NEK11: variants seen among roughly 807,000 people sequenced by gnomAD.
The protein encoded by NEK11 is serine/threonine-protein kinase Nek11.
NEK11 carries 72 observed loss-of-function variants against 80.7 expected under a neutral mutation model. The ratio of observed to expected loss-of-function variants is 0.89; its 90% confidence interval spans 0.74 to 1.08. The LOEUF (loss-of-function observed/expected upper bound fraction) is 1.08. Among genes scored for constraint, NEK11 ranks in the 50% least tolerant of loss-of-function variants. NEK11 has a pLI of 0.00. For synonymous variants in NEK11, 251 were observed against 260.7 expected (o/e 0.96, Z 0.36); for missense variants, 764 against 763.6 (o/e 1.00, Z -0.01).
At chr3:131,250,303 G>A (rs929755243) in intron 16 of NEK11, among the ~76,000 whole-genome samples, 16 of 151,920 alleles carry the variant, frequency 1.1e-4, no homozygotes, top group Admixed American at 6.6e-5. Context: ...AATATCTAGA[G>A]AGAATCAAAC....
chr3:131,285,540 A>G lies in NEK11; in HGVS notation c.1718+11966A>G, dbSNP rs543861773. ...AAATCTGTCTCCCAAGGGCACTCCA[A>G]GTAGGTGGAGAATAAAACTTCTCTA... On this transcript the variant is annotated intron_variant, in intron 17 of 17. Transcript: ENST00000383366. Among the ~76,000 whole-genome samples the G allele has an allele frequency of 2.6e-4, 40 of 152,364 alleles. No homozygotes were observed. In the East Asian group the frequency reaches 7.5e-3, roughly 29 times the overall value.
intron 17 of NEK11, among the ~76,000 whole-genome samples, chr3:131,303,670 T>A (rs559515846): frequency 3.0e-4 from 45 of 152,188 alleles, no homozygotes; most frequent in Admixed American, 5.2e-4. Flanking sequence ...AAATGCTGGA[T>A]ATAGGCCCCC....
chr3:131,046,165 C>A (rs1171916205), intron 3 of NEK11, among the ~76,000 whole-genome samples: 1 of 151,964 alleles, frequency 6.6e-6, no homozygotes, highest in East Asian at 1.9e-4. Flanking sequence ...GCCTGAATAC[C>A]TTTTTATTTT....
chr3:131,058,101 A>C (rs1178387039), intron 3 of NEK11, among the ~76,000 whole-genome samples: 10 of 151,982 alleles, frequency 6.6e-5, no homozygotes, highest in South Asian at 2.1e-4. Flanking sequence ...TCAGCTTTCT[A>C]CATATGGCTA....
At chr3:131,315,862 C>T (rs1167626978) in intron 17 of NEK11, among the ~76,000 whole-genome samples, 1 of 152,130 alleles carries the variant, frequency 6.6e-6, no homozygotes, top group East Asian at 1.9e-4. Flanking sequence ...CAACTCCATT[C>T]ATATCCCTGC....
At chr3:131,066,411 A>T (rs957762587) in intron 3 of NEK11, among the ~76,000 whole-genome samples, 2 of 152,136 alleles carry the variant, frequency 1.3e-5, no homozygotes, top group East Asian at 3.9e-4. Flanking sequence ...CGGATTATTC[A>T]GACTATCAAC....
intron 15 of NEK11, among the ~76,000 whole-genome samples, chr3:131,239,354 T>C (rs551170367): frequency 3.3e-5 from 5 of 152,268 alleles, no homozygotes; most frequent in East Asian, 3.9e-4. Flanking sequence ...GGGGCTGTGA[T>C]AGAAGGTTAT....
At chr3:131,243,380 A>G in intron 15 of NEK11, 56 bp from the exon 16 acceptor site, 4 of 1,497,146 alleles carry the variant, frequency 2.7e-6, no homozygotes, top group Non-Finnish European at 3.7e-6. Flanking sequence ...TTTCCATGTT[A>G]TTAAGTATCC....
At chr3:131,162,671 C>T in intron 11 of NEK11, 144 bp downstream of exon 11, 1 of 906,486 alleles carries the variant, frequency 1.1e-6, no homozygotes, top group Non-Finnish European at 1.6e-6. Flanking sequence ...CACTTGTTCA[C>T]TCCAAGATGA....
At chr3:131,304,941 A>C (rs1056824510) in intron 17 of NEK11, among the ~76,000 whole-genome samples, 1 of 151,612 alleles carries the variant, frequency 6.6e-6, no homozygotes, top group African/African-American at 2.4e-5. Flanking sequence ...TCCTGCACCC[A>C]CTCGTGCTGG....
chr3:131,278,021 TTG>T (rs1469754370), intron 17 of NEK11, among the ~76,000 whole-genome samples: 4 of 152,208 alleles, frequency 2.6e-5, no homozygotes, highest in African/African-American at 4.8e-5. Context: ...TGACATGTGT[TTG>T]TGATGTTTTA....
intron 14 of NEK11, among the ~76,000 whole-genome samples, chr3:131,181,894 A>G (rs910323457): frequency 2.6e-5 from 4 of 151,972 alleles, no homozygotes; most frequent in South Asian, 4.2e-4. Context: ...TCTTTGATTC[A>G]TATGCTAGTT....
chr3:131,143,797 G>T (rs2087513129), intron 7 of NEK11, among the ~76,000 whole-genome samples: 1 of 151,998 alleles, frequency 6.6e-6, no homozygotes, highest in Admixed American at 6.6e-5. Flanking sequence ...TATTTAGACT[G>T]AATTTAGGTT....
chr3:131,048,125 G>A lies in NEK11; in HGVS notation c.170+18247G>A, dbSNP rs562086888. ...CCAAAAGGCCAGTGTTACTCCTACC[G>A]TGCCCTCTCAATAGCACTGAGTTTA... On this transcript the variant is annotated intron_variant, in intron 3 of 17. Coordinates refer to ENST00000383366, the MANE Select transcript of NEK11 (RefSeq NM_024800.5). Among the ~76,000 whole-genome samples the A allele has an allele frequency of 3.3e-5, 5 of 152,108 alleles. No individual in the cohort carries two copies. In the South Asian group the frequency reaches 1.0e-3, roughly 32 times the overall value.
intron 14 of NEK11, among the ~76,000 whole-genome samples, chr3:131,195,658 T>C (rs895726222): frequency 6.6e-6 from 1 of 151,988 alleles, no homozygotes; most frequent in Non-Finnish European, 1.5e-5. Context: ...GGGACCTCCA[T>C]AGATGATGTG....
intron 15 of NEK11, among the ~76,000 whole-genome samples, chr3:131,235,139 G>A (rs368389152): frequency 6.6e-6 from 1 of 152,182 alleles, no homozygotes; most frequent in Admixed American, 6.5e-5. Context: ...CAGGTCAATG[G>A]GCAAATAAAG....
intron 17 of NEK11, among the ~76,000 whole-genome samples, chr3:131,341,269 C>CT (rs1431149254): frequency 6.6e-6 from 1 of 152,122 alleles, no homozygotes; most frequent in Non-Finnish European, 1.5e-5. Flanking sequence ...TATGGAATGA[C>CT]TGATTTTGTT....
At chr3:131,189,032 T>C (rs2093696042) in intron 14 of NEK11, among the ~76,000 whole-genome samples, 1 of 152,036 alleles carries the variant, frequency 6.6e-6, no homozygotes, top group South Asian at 2.1e-4. Flanking sequence ...GAGAGATATA[T>C]TAATACAAAG....
chr3:131,198,512 C>T (rs1301305975), intron 14 of NEK11, among the ~76,000 whole-genome samples: 2 of 152,324 alleles, frequency 1.3e-5, no homozygotes, highest in Middle Eastern at 3.4e-3. Context: ...ATGCCATTCA[C>T]ATCATGAGAT....
Sources: allele counts gnomAD v4.1 joint callset (sites outside exome capture counted in the v4.1 genomes callset), GRCh38; gene constraint gnomAD v4.1.1; transcripts MANE v1.5; gene names NCBI Gene and HGNC (gene_info 2026-07-23, HGNC 2026-07-21).